Variants in ANKRD27 observed in about 807,000 individuals in gnomAD.
ANKRD27 encodes the protein ankyrin repeat domain 27.
ANKRD27 carries 112 observed loss-of-function variants against 129.7 expected under a neutral mutation model. That is an observed-to-expected ratio of 0.86 (90% CI 0.74 to 1.01). The LOEUF is 1.01. ANKRD27 is among the 50% of genes least tolerant of loss of function. The probability of loss-of-function intolerance (pLI) is 0.00; values close to 1 mark genes in which losing one functional copy is unlikely to be tolerated. For missense variants in ANKRD27, 1,258 were observed against 1,300.5 expected (o/e 0.97, Z 0.50); for synonymous variants, 516 against 511.2 (o/e 1.01, Z -0.13).
chr19:32,617,741 A>T (rs1971941274), intron 20 of ANKRD27, 108 bp from the exon 21 acceptor site: 1 of 519,660 alleles, frequency 1.9e-6, no homozygotes, highest in Non-Finnish European at 3.5e-6. Context: ...TGGACTTTTA[A>T]CGTCTGATTT....
chr19:32,637,462 A>G (rs1218856028), intron 12 of ANKRD27: 4 of 152,228 alleles, frequency 2.6e-5, no homozygotes, highest in African/African-American at 9.6e-5. Context: ...CCAAGGAAAC[A>G]ATGGCAAGGC....
intron 2 of ANKRD27, among the ~76,000 whole-genome samples, chr19:32,650,110 C>CT (rs1304232366): frequency 7.9e-5 from 12 of 152,122 alleles, no homozygotes; most frequent in African/African-American, 2.7e-4. Context: ...TGGGTCCCCC[C>CT]CAGGCTAGTG....
chr19:32,649,857 T>C (rs540730994), intron 2 of ANKRD27, 65 bp from the exon 3 acceptor site: 24 of 1,117,224 alleles, frequency 2.1e-5, no homozygotes, highest in Non-Finnish European at 3.3e-5. Flanking sequence ...CAGAACAAGG[T>C]GTCCCCAAAG....
chr19:32,646,494 C>A lies in ANKRD27; in HGVS notation c.335G>T (p.Cys112Phe), dbSNP rs769764476. 1 of 1,614,198 alleles carries A rather than the reference C, an allele frequency of 6.2e-7. No individual in the cohort carries two copies. Among genetic ancestry groups the A allele is most frequent in the East Asian group, 2.2e-5 (1 of 44,890 alleles). Residue 112 changes from cysteine to phenylalanine, a missense_variant, in exon 4 of 29, where the codon TGT becomes TTT. Physicochemically the swap from Cys to Phe is radical, Grantham distance 205. Transcript: ENST00000306065. ...NEKEESFSIL[C>F]IAHPLEKRES... Reference sequence around the variant, plus strand: ...TCTCTTTTCCAAAGGATGGGCTATACACAGGATGCTGAAACTCTCTTCTTT... The same window carrying A: ...TCTCTTTTCCAAAGGATGGGCTATAAACAGGATGCTGAAACTCTCTTCTTT...
intron 23 of ANKRD27, among the ~76,000 whole-genome samples, chr19:32,606,891 T>G (rs1180605169): frequency 7.9e-6 from 1 of 125,828 alleles, no homozygotes; most frequent in Non-Finnish European, 1.6e-5. Context: ...TCGCTTGAGC[T>G]CAGGAGTTCA....
In ANKRD27 at chr19:32,640,358, T is replaced by A. The variant is rs1967174619; in HGVS notation, c.932A>T (p.Asp311Val). The change falls in exon 11 of 29, where the codon GAT becomes GTT. Residue 311 changes from aspartate to valine, a missense_variant. By Grantham distance (152) the Asp-to-Val change is radical. Transcript: ENST00000306065. ...CAAGTATAACAGGACTGATAGCAGA[T>A]CATCAGCACACATGGTCTCCAGGTT... ...RVNLETMCADDLLSVLLYLLV... is the reference protein window; with the variant it reads ...RVNLETMCADVLLSVLLYLLV... 9 of 1,613,992 alleles carry A rather than the reference T, an allele frequency of 5.6e-6. No homozygotes were observed. The highest frequency in any genetic ancestry group is 6.8e-6 in the Non-Finnish European group (8 of 1,179,904).
At position 32,639,356 on chromosome 19, in the gene ANKRD27, AG is replaced by A; in HGVS notation, c.1115del (p.Pro372LeufsTer16). The A allele has an allele frequency of 6.2e-7, 1 of 1,614,190 alleles. No individual in the cohort carries two copies. The highest frequency in any genetic ancestry group is 8.5e-7 in the Non-Finnish European group (1 of 1,180,030). On this transcript the variant is annotated frameshift_variant and splice_region_variant, in exon 12 of 29. Coordinates refer to ENST00000306065, the MANE Select transcript of ANKRD27 (RefSeq NM_032139.3). LOFTEE classifies it high-confidence loss of function. The stretch of plus-strand genomic sequence containing the variant: ...GGCCAGGGCAGGGGTGAGATCTTAC[AG>A]GGGGTTTAGCAGAGAGGCTTCCTTG... ...IRQGSLSAKP[P>X]ESEGFGDRLF...
chr19:32,643,764 A>C, intron 5 of ANKRD27, 133 bp from the exon 6 acceptor site: 7 of 930,386 alleles, frequency 7.5e-6, no homozygotes, highest in Non-Finnish European at 1.0e-5. Flanking sequence ...GATTTTTCTC[A>C]ACTTTTTTTT....
Position 32,658,907 on chromosome 19 carries a change from C to T in ANKRD27, c.102+7G>A, listed in dbSNP as rs370091417. 279 of 1,612,438 alleles carry T rather than the reference C, an allele frequency of 1.7e-4. No homozygotes were observed. The highest frequency in any genetic ancestry group is 2.3e-4 in the Non-Finnish European group (274 of 1,178,654). On this transcript the variant is annotated splice_region_variant and intron_variant, in intron 2 of 28. Coordinates refer to ENST00000306065, the MANE Select transcript of ANKRD27 (RefSeq NM_032139.3). ...CTCAGGACAACCCCGAGGCTCAGTGCACTTACAATGCCATGGATTTGGGCC... is the reference window on the plus strand; with the variant it reads ...CTCAGGACAACCCCGAGGCTCAGTGTACTTACAATGCCATGGATTTGGGCC...
chr19:32,643,841 C>T (rs1599761369), intron 5 of ANKRD27: 2 of 573,112 alleles, frequency 3.5e-6, no homozygotes, highest in East Asian at 5.9e-5. Context: ...TAATAATACT[C>T]ATTGTTATAC....
At chr19:32,656,131 A>T (rs1162595560) in intron 2 of ANKRD27, among the ~76,000 whole-genome samples, 2 of 129,908 alleles carry the variant, frequency 1.5e-5, no homozygotes, top group Admixed American at 7.8e-5. Context: ...AGAAAAGAAA[A>T]GAAAAGAAAA....
intron 1 of ANKRD27, among the ~76,000 whole-genome samples, chr19:32,668,189 A>C (rs1967797219): frequency 1.3e-5 from 2 of 152,126 alleles, no homozygotes; most frequent in Admixed American, 1.3e-4. Flanking sequence ...GTCTCACTCT[A>C]CTGACCAGGC....
chr19:32,619,971 G>A (rs990015684), intron 18 of ANKRD27, among the ~76,000 whole-genome samples: 5 of 152,080 alleles, frequency 3.3e-5, no homozygotes, highest in South Asian at 2.1e-4. Context: ...GAGCCAAGCC[G>A]AGAAGGCAGC....
At chr19:32,646,804 C>T (rs980290620) in intron 3 of ANKRD27, among the ~76,000 whole-genome samples, 189 bp from the exon 4 acceptor site, 1 of 152,198 alleles carries the variant, frequency 6.6e-6, no homozygotes, top group East Asian at 1.9e-4. Context: ...GGCCTAGTAG[C>T]TATGGCTGCA....
In ANKRD27 at chr19:32,644,398, C is replaced by A; in HGVS notation, c.452G>T (p.Arg151Leu). 6.2e-7 allele frequency: 1 copy of A among 1,614,082 alleles called. No individual in the cohort carries two copies. The highest frequency in any genetic ancestry group is 8.5e-7 in the Non-Finnish European group (1 of 1,180,014). The change falls in exon 5 of 29, where the codon CGA (arginine) becomes CTA (leucine). Residue 151 changes from arginine (R) to leucine (L), a missense_variant. Physicochemically the swap from Arg to Leu is moderately radical, Grantham distance 102 (BLOSUM62 -2). Transcript: ENST00000306065. ...GAAAGAGGCGATGTTCCTGTCAAAT[C>A]GCTCGGAGTGTCTTCCCAAGAACTC... ...VREFLGRHSE[R>L]FDRNIASFHR...
intron 13 of ANKRD27, among the ~76,000 whole-genome samples, chr19:32,629,899 AATTT>A (rs1966962804): frequency 7.5e-6 from 1 of 132,564 alleles, no homozygotes; most frequent in Non-Finnish European, 1.6e-5. Flanking sequence ...CAAATAACAG[AATTT>A]ATTTATTTAT....
chr19:32,611,590 C>CT (rs1971836008), intron 22 of ANKRD27, among the ~76,000 whole-genome samples: 2 of 152,074 alleles, frequency 1.3e-5, no homozygotes, highest in East Asian at 1.9e-4. Flanking sequence ...AATCCATTTT[C>CT]TTTTTTTTGA....
chr19:32,626,756 T>C lies in ANKRD27; in HGVS notation c.1492A>G (p.Thr498Ala). 6.2e-7 allele frequency: 1 copy of C among 1,612,286 alleles called. No individual in the cohort carries two copies. Among genetic ancestry groups the C allele is most frequent in the Non-Finnish European group, 8.5e-7 (1 of 1,179,330 alleles). ...TTCTGACAGGCCAGGTGGAGCGGAGTGGCTCCATGGTAGTCTGTGGCATTT... is the reference window on the plus strand; with the variant it reads ...TTCTGACAGGCCAGGTGGAGCGGAGCGGCTCCATGGTAGTCTGTGGCATTT... Reference protein sequence around the residue: ...MVNATDYHGATPLHLACQKGY... With the variant: ...MVNATDYHGAAPLHLACQKGY... Residue 498 changes from threonine to alanine, a missense_variant, in exon 16 of 29, where the codon ACT (threonine) becomes GCT (alanine). Thr to Ala is a moderately conservative substitution (Grantham distance 58). Coordinates refer to ENST00000306065, the MANE Select transcript of ANKRD27 (RefSeq NM_032139.3).
intron 4 of ANKRD27, among the ~76,000 whole-genome samples, chr19:32,645,708 CCA>C (rs1192243476): frequency 6.6e-6 from 1 of 152,080 alleles, no homozygotes; most frequent in African/African-American, 2.4e-5. Context: ...TCTCGGCTCA[CCA>C]CAGTCTCTGC....
Sources: gnomAD v4.1 joint callset for allele counts (sites outside exome capture counted in the v4.1 genomes callset) on GRCh38, gnomAD v4.1.1 for gene constraint, MANE v1.5 for transcripts, NCBI Gene and HGNC (gene_info 2026-07-23, HGNC 2026-07-21) for gene names.